The following SESTD1 variants were observed in gnomAD, a reference collection of about 807,000 sequenced individuals.
SESTD1 encodes SEC14 and spectrin domain containing 1, also known as SEC14 domain and spectrin repeat-containing protein 1.
In SESTD1, 43 loss-of-function variants were observed where a neutral mutation model predicts 101.7. The observed-to-expected ratio is 0.42, with a 90% CI of 0.33 to 0.55. The LOEUF (loss-of-function observed/expected upper bound fraction) is 0.55, where lower values mean the gene tolerates loss of function less well. SESTD1 is among the 20% of genes least tolerant of loss of function. The pLI is 0.07. For synonymous variants in SESTD1, 283 were observed against 286.8 expected (o/e 0.99, Z 0.13); for missense variants, 647 against 815.1 (o/e 0.79, Z 2.51).
Position 179,216,339 on chromosome 2 carries a change from A to G in SESTD1, c.-25-24473T>C, listed in dbSNP as rs1349246709. ...AAACCACAAGCCCTTCTATACACCA[A>G]TAACAGACACAGAGCCAAATCGTGA... On this transcript the variant is annotated intron_variant, in intron 1 of 17. Coordinates refer to ENST00000428443, the MANE Select transcript of SESTD1 (RefSeq NM_178123.5). Among the ~76,000 whole-genome samples the G allele has an allele frequency of 6.7e-5, 9 of 135,016 alleles. 1 individual carries two copies. Among genetic ancestry groups the G allele is most frequent in the Admixed American group, 5.7e-4 (8 of 13,992 alleles). The allele number at this position is 135,016 out of a possible 152,430, so 88.6% of individuals were successfully genotyped here. A position where few individuals can be genotyped will look rare whatever the true frequency, so the allele number is the denominator to read the frequency against.
intron 1 of SESTD1, among the ~76,000 whole-genome samples, chr2:179,235,710 T>A (rs1164781542): frequency 5.3e-5 from 8 of 152,318 alleles, no homozygotes; most frequent in African/African-American, 1.9e-4. Context: ...CTTGCAAAAT[T>A]AATTCTTTCA....
At position 179,102,365 on chromosome 2, in the gene SESTD1, A is replaced by AG. The variant is rs2044290428; in HGVS notation, c.*7533_*7534insC. 6.6e-6 allele frequency: 1 copy of AG among 152,144 alleles called. No individual in the cohort carries two copies. Among genetic ancestry groups the AG allele is most frequent in the Admixed American group, 6.6e-5 (1 of 15,264 alleles). The allele number at this position is 152,144 out of a possible 1,614,324, so 9.4% of individuals were successfully genotyped here. A position where few individuals can be genotyped will look rare whatever the true frequency, so the allele number is the denominator to read the frequency against. On this transcript the variant is annotated 3_prime_UTR_variant, in exon 18 of 18. Coordinates refer to ENST00000428443, the MANE Select transcript of SESTD1 (RefSeq NM_178123.5). ...CCTTTACAAAAAATAACTCAAATTGATTCAAAGATGCAGAATTCATCAGAT... is the reference window on the plus strand; with the variant it reads ...CCTTTACAAAAAATAACTCAAATTGAGTTCAAAGATGCAGAATTCATCAGAT...
At chr2:179,191,258 G>A (rs771191206) in intron 2 of SESTD1, among the ~76,000 whole-genome samples, 42 of 152,234 alleles carry the variant, frequency 2.8e-4, no homozygotes, top group Non-Finnish European at 3.8e-4. Context: ...AAAAAACAGG[G>A]AAATCATGCC....
At chr2:179,262,435 G>A (rs1288784398) in intron 1 of SESTD1, among the ~76,000 whole-genome samples, 12 of 152,088 alleles carry the variant, frequency 7.9e-5, no homozygotes, top group Admixed American at 7.2e-4. Flanking sequence ...CTGTCACCCA[G>A]GATGGAATGC....
intron 5 of SESTD1, among the ~76,000 whole-genome samples, chr2:179,157,618 A>G (rs1330686837): frequency 6.6e-6 from 1 of 152,118 alleles, no homozygotes; most frequent in Non-Finnish European, 1.5e-5. Flanking sequence ...GGTCTATGTG[A>G]CTATTTTTAT....
At chr2:179,132,243 A>G in intron 10 of SESTD1, 61 bp downstream of exon 10, 1 of 1,483,180 alleles carries the variant, frequency 6.7e-7, no homozygotes, top group Non-Finnish European at 8.9e-7. Flanking sequence ...AGTACCACAT[A>G]TGCTACTAAT....
chr2:179,216,744 T>C lies in SESTD1; in HGVS notation c.-25-24878A>G, dbSNP rs184088620. Among the ~76,000 whole-genome samples the C allele has an allele frequency of 2.1e-3, 278 of 135,134 alleles. 67 individuals are homozygous for C. The highest frequency in any genetic ancestry group is 7.2e-3 in the African/African-American group (248 of 34,254). 88.7% of individuals were successfully genotyped at this position (135,134 alleles called of 152,430 possible). A position where few individuals can be genotyped will look rare whatever the true frequency, so the allele number is the denominator to read the frequency against. ...CAGACTTCAAACTATACTACAAGTC[T>C]ACAGTAACCAAAACAGCATGGTACT... On this transcript the variant is annotated intron_variant, in intron 1 of 17. Transcript: ENST00000428443.
intron 9 of SESTD1, among the ~76,000 whole-genome samples, chr2:179,133,189 T>C (rs1052224942): frequency 6.6e-6 from 1 of 151,814 alleles, no homozygotes; most frequent in African/African-American, 2.4e-5. Flanking sequence ...TATAAGGAGA[T>C]GAGATCAGTA....
chr2:179,231,408 AATAG>A (rs1014840448), intron 1 of SESTD1, among the ~76,000 whole-genome samples: 5 of 152,058 alleles, frequency 3.3e-5, no homozygotes, highest in Non-Finnish European at 5.9e-5. Context: ...AAAACAACAT[AATAG>A]ATAGTATAAA....
chr2:179,249,408 C>A (rs1020198445), intron 1 of SESTD1, among the ~76,000 whole-genome samples: 5 of 152,008 alleles, frequency 3.3e-5, no homozygotes, highest in African/African-American at 1.2e-4. Context: ...AAAAACAATA[C>A]CATTTATAAT....
At position 179,123,791 on chromosome 2, in the gene SESTD1, G is replaced by A. The variant is rs145239963; in HGVS notation, c.1206C>T (p.Cys402=). ...CTCCATCAGCTGGTGCTACATCTAC[G>A]CACAACATCCCTAATAAGCCATCCA... ...QQLDGLLGML[C]VDVAPADGAS... is the part of the protein sequence containing the mutation. The change falls in exon 12 of 18, where the codon TGC becomes TGT. Residue 402 remains cysteine (C), a synonymous_variant. Transcript: ENST00000428443. 11 of 1,613,722 alleles carry A rather than the reference G, an allele frequency of 6.8e-6. No homozygotes were observed. The highest frequency in any genetic ancestry group is 4.0e-5 in the African/African-American group (3 of 74,856).
At chr2:179,166,763 T>C (rs1203021894) in intron 5 of SESTD1, among the ~76,000 whole-genome samples, 2 of 152,198 alleles carry the variant, frequency 1.3e-5, no homozygotes, top group East Asian at 3.8e-4. Context: ...CAAAATTCTC[T>C]GGCAAACCAG....
At chr2:179,152,831 A>G (rs577105112) in intron 5 of SESTD1, among the ~76,000 whole-genome samples, 2 of 152,304 alleles carry the variant, frequency 1.3e-5, no homozygotes, top group South Asian at 2.1e-4. Context: ...AGCCTAGTGA[A>G]TAATGAGCTA....
chr2:179,112,912 C>G (rs2154393680), intron 16 of SESTD1, 67 bp from the exon 17 acceptor site: 1 of 1,493,970 alleles, frequency 6.7e-7, no homozygotes, highest in Middle Eastern at 1.8e-4. Flanking sequence ...AGAGGATCAC[C>G]CCACCCCACA....
intron 10 of SESTD1, among the ~76,000 whole-genome samples, chr2:179,127,279 T>A (rs1437484062): frequency 6.6e-6 from 1 of 152,196 alleles, no homozygotes; most frequent in African/African-American, 2.4e-5. Flanking sequence ...CTCGACATCA[T>A]TTCAAGGTTT....
At chr2:179,125,551 G>A (rs1446861732) in intron 10 of SESTD1, among the ~76,000 whole-genome samples, 2 of 152,176 alleles carry the variant, frequency 1.3e-5, no homozygotes, top group Admixed American at 6.6e-5. Context: ...GAAGGGTAAC[G>A]TGCTGATGTT....
chr2:179,158,553 T>A (rs2045672769), intron 5 of SESTD1, among the ~76,000 whole-genome samples: 1 of 152,328 alleles, frequency 6.6e-6, no homozygotes, highest in South Asian at 2.1e-4. Context: ...CAGATTCACC[T>A]TCTTTTATGA....
intron 5 of SESTD1, among the ~76,000 whole-genome samples, chr2:179,156,108 G>GTA (rs534124801): frequency 0.094 from 14,198 of 150,632 alleles, 710 homozygotes; most frequent in South Asian, 0.15. Flanking sequence ...CATCATACGT[G>GTA]TATATATATA....
Position 179,102,947 on chromosome 2 carries a change from C to G in SESTD1, c.*6952G>C, listed in dbSNP as rs1297713552. ...GACTTCCCTGTCCAGGTGACTCTCT[C>G]TCACATAGCTGTACCTGGGGCTTAC... On this transcript the variant is annotated 3_prime_UTR_variant, in exon 18 of 18. Transcript: ENST00000428443. The G allele has an allele frequency of 6.6e-6, 1 of 152,132 alleles. No homozygotes were observed. Among genetic ancestry groups the G allele is most frequent in the Non-Finnish European group, 1.5e-5 (1 of 68,006 alleles). The allele number at this position is 152,132 out of a possible 1,614,324, so 9.4% of individuals were successfully genotyped here.
Sources: gnomAD v4.1 joint callset for allele counts (sites outside exome capture counted in the v4.1 genomes callset) on GRCh38, gnomAD v4.1.1 for gene constraint, MANE v1.5 for transcripts, NCBI Gene and HGNC (gene_info 2026-07-23, HGNC 2026-07-21) for gene names.